Variants in NLGN1 observed in about 807,000 individuals in gnomAD.
NLGN1 encodes neuroligin-1.
In NLGN1, 12 loss-of-function variants were observed where a neutral mutation model predicts 65.5. The ratio of observed to expected loss-of-function variants is 0.18; its 90% CI spans 0.12 to 0.30. The LOEUF is 0.30. NLGN1 is among the 10% of genes least tolerant of loss of function. The probability of loss-of-function intolerance (pLI) is 1.00; values close to 1 mark genes in which losing one functional copy is unlikely to be tolerated. For missense variants in NLGN1, 750 were observed against 1,007.1 expected (o/e 0.74, Z 3.46); for synonymous variants, 350 against 359.5 (o/e 0.97, Z 0.30).
intron 4 of NLGN1, among the ~76,000 whole-genome samples, chr3:174,054,306 C>A (rs1376249024): frequency 6.6e-6 from 1 of 152,006 alleles, no homozygotes; most frequent in Non-Finnish European, 1.5e-5. Context: ...CAGCAAATTA[C>A]ACACACATGC....
intron 2 of NLGN1, among the ~76,000 whole-genome samples, chr3:173,503,040 C>T (rs1252402712): frequency 6.6e-6 from 1 of 151,236 alleles, no homozygotes; most frequent in African/African-American, 2.4e-5. Context: ...TTCTTTTTTC[C>T]CCCACAATTA....
At chr3:173,846,125 T>G (rs1212375800) in intron 4 of NLGN1, among the ~76,000 whole-genome samples, 1 of 152,152 alleles carries the variant, frequency 6.6e-6, no homozygotes, top group African/African-American at 2.4e-5. Flanking sequence ...CTTTGCTTCT[T>G]GTGTCCCCAG....
intron 2 of NLGN1, among the ~76,000 whole-genome samples, chr3:173,440,243 T>A (rs1217641699): frequency 2.0e-5 from 3 of 152,166 alleles, no homozygotes; most frequent in Non-Finnish European, 4.4e-5. Context: ...CTATTTTTTT[T>A]AACCAAATCT....
intron 3 of NLGN1, among the ~76,000 whole-genome samples, chr3:173,692,648 A>G (rs1245095899): frequency 6.6e-6 from 1 of 152,060 alleles, no homozygotes; most frequent in Non-Finnish European, 1.5e-5. Context: ...TTTGATAGCT[A>G]CAATTTGGAA....
chr3:173,835,218 A>G (rs1948160), intron 4 of NLGN1, among the ~76,000 whole-genome samples: 104,859 of 152,086 alleles, frequency 0.69, 36,917 homozygotes, highest in Non-Finnish European at 0.75. Flanking sequence ...TGCTTTAAAC[A>G]TTGCTTGAAA....
At chr3:173,977,030 G>T (rs1178607306) in intron 4 of NLGN1, among the ~76,000 whole-genome samples, 2 of 151,926 alleles carry the variant, frequency 1.3e-5, no homozygotes, top group African/African-American at 4.8e-5. Flanking sequence ...GCAGCAGATA[G>T]AATTGTGAGC....
At chr3:174,292,910 T>A in the NLGN1 span, among the ~76,000 whole-genome samples, 1 of 151,344 alleles carries the variant, frequency 6.6e-6, no homozygotes, top group Non-Finnish European at 1.5e-5. Flanking sequence ...AGAAAATACA[T>A]AGGTACAGGA....
intron 1 of NLGN1, among the ~76,000 whole-genome samples, chr3:173,415,374 C>T (rs1011610232): frequency 6.6e-6 from 1 of 152,102 alleles, no homozygotes; most frequent in South Asian, 2.1e-4. Flanking sequence ...TTTCTCTGAT[C>T]CTTATTTTTT....
chr3:173,779,423 T>C (rs1780798985), intron 3 of NLGN1, among the ~76,000 whole-genome samples: 1 of 152,004 alleles, frequency 6.6e-6, no homozygotes. Flanking sequence ...TTAGAAAATA[T>C]GGAGATTAAG....
At chr3:173,843,509 G>A (rs1725184912) in intron 4 of NLGN1, among the ~76,000 whole-genome samples, 2 of 152,152 alleles carry the variant, frequency 1.3e-5, no homozygotes, top group African/African-American at 4.8e-5. Flanking sequence ...CCTCTTGAAT[G>A]CTTTGGTGCT....
At chr3:174,155,701 A>G (rs736026) in intron 4 of NLGN1, among the ~76,000 whole-genome samples, 57,569 of 151,466 alleles carry the variant, frequency 0.38, 13,141 homozygotes, top group African/African-American at 0.64. Context: ...AAATTGCTTT[A>G]AAAATAAGCA....
At chr3:173,572,844 A>G (rs1325723797) in intron 2 of NLGN1, among the ~76,000 whole-genome samples, 1 of 152,176 alleles carries the variant, frequency 6.6e-6, no homozygotes, top group Admixed American at 6.5e-5. Flanking sequence ...GCCTTAATAC[A>G]TAGTTCAGCT....
At chr3:174,107,454 G>C (rs1001244663) in intron 4 of NLGN1, among the ~76,000 whole-genome samples, 1 of 152,102 alleles carries the variant, frequency 6.6e-6, no homozygotes, top group African/African-American at 2.4e-5. Context: ...CTAGGTGATT[G>C]TGTGTATTAA....
chr3:173,882,132 C>A (rs1733461212), intron 4 of NLGN1, among the ~76,000 whole-genome samples: 1 of 152,092 alleles, frequency 6.6e-6, no homozygotes, highest in Non-Finnish European at 1.5e-5. Context: ...TTTGAAATAT[C>A]TTTTTTTCTG....
At chr3:173,917,368 C>A in intron 4 of NLGN1, among the ~76,000 whole-genome samples, 1 of 152,172 alleles carries the variant, frequency 6.6e-6, no homozygotes, top group East Asian at 1.9e-4. Flanking sequence ...GTCTTAGTTA[C>A]TTCTTTTGTA....
At chr3:173,527,273 T>A (rs73043598) in intron 2 of NLGN1, among the ~76,000 whole-genome samples, 6,164 of 152,310 alleles carry the variant, frequency 0.04, 420 homozygotes, top group African/African-American at 0.14. Flanking sequence ...TGAAAAAGTA[T>A]CTCATCATAG....
At chr3:174,241,342 GC>G (rs1224271873) in intron 4 of NLGN1, among the ~76,000 whole-genome samples, 2 of 151,078 alleles carry the variant, frequency 1.3e-5, no homozygotes, top group Non-Finnish European at 2.9e-5. Context: ...TGAGTGTACT[GC>G]TTTTATAGTA....
At chr3:173,785,925 C>T (rs1414650190) in intron 3 of NLGN1, among the ~76,000 whole-genome samples, 1 of 152,068 alleles carries the variant, frequency 6.6e-6, no homozygotes, top group Non-Finnish European at 1.5e-5. Context: ...ATATGTACAA[C>T]TTTTCATTTT....
chr3:173,826,855 T>C (rs1178144007), intron 4 of NLGN1, among the ~76,000 whole-genome samples: 1 of 152,106 alleles, frequency 6.6e-6, no homozygotes, highest in Non-Finnish European at 1.5e-5. Flanking sequence ...TAATGGGGGC[T>C]TGACTTAGCA....
Sources: gnomAD v4.1 joint callset for allele counts (sites outside exome capture counted in the v4.1 genomes callset) on GRCh38, gnomAD v4.1.1 for gene constraint, MANE v1.5 for transcripts, NCBI Gene and HGNC (gene_info 2026-07-23, HGNC 2026-07-21) for gene names.